Variants in ZNF195 observed in about 807,000 individuals in gnomAD.
ZNF195 encodes the protein zinc finger protein 195.
In ZNF195, 11 loss-of-function variants were observed where a neutral mutation model predicts 19.5. That is an observed-to-expected ratio of 0.57 (90% CI 0.36 to 0.94). ZNF195 has a LOEUF of 0.94. ZNF195 is among the 40% of genes least tolerant of loss of function. The pLI, the probability that ZNF195 is intolerant of heterozygous loss-of-function variation, is 0.01. For synonymous variants in ZNF195, 214 were observed against 248.1 expected (o/e 0.86, Z 1.29); for missense variants, 582 against 709.0 (o/e 0.82, Z 2.03).
At chr11:3,363,708 C>T (rs954046465) in intron 3 of ZNF195, among the ~76,000 whole-genome samples, 2 of 152,114 alleles carry the variant, frequency 1.3e-5, no homozygotes, top group Non-Finnish European at 2.9e-5. Flanking sequence ...GTAAAGCACC[C>T]AACAATTTTC....
intron 3 of ZNF195, among the ~76,000 whole-genome samples, chr11:3,367,464 G>A (rs766612202): frequency 6.6e-6 from 1 of 152,068 alleles, no homozygotes; most frequent in Non-Finnish European, 1.5e-5. Flanking sequence ...CTGGCATGCA[G>A]TGGACAGCAG....
intron 3 of ZNF195, chr11:3,366,930 C>T (rs1404206547): frequency 3.3e-5 from 15 of 453,690 alleles, no homozygotes; most frequent in East Asian, 7.0e-5. Context: ...CTGGGTGTGG[C>T]GGTGTGCCCC....
At chr11:3,374,688 G>A (rs1268135006) in intron 1 of ZNF195, among the ~76,000 whole-genome samples, 1 of 152,228 alleles carries the variant, frequency 6.6e-6, no homozygotes, top group Non-Finnish European at 1.5e-5. Flanking sequence ...GAAGGGACCA[G>A]GCTTTGTGGT....
At chr11:3,371,443 TCCCCATG>T in intron 2 of ZNF195, 127 bp downstream of exon 2, 1 of 1,159,016 alleles carries the variant, frequency 8.6e-7, no homozygotes, top group Non-Finnish European at 1.2e-6. Context: ...CATCAACTAT[TCCCCATG>T]TTTTTCTTAA....
At position 3,359,527 on chromosome 11, in the gene ZNF195, T is replaced by C. The variant is rs759578539; in HGVS notation, c.1481A>G (p.Tyr494Cys). Residue 494 changes from tyrosine (Y) to cysteine (C), a missense_variant, in exon 6 of 6, where the codon TAC becomes TGC. This residue lies in a region of ZNF195 where 407 missense variants were observed against 530.5 expected (regional missense o/e 0.77). Transcript: ENST00000399602. This position sits in a 1 kb window ranked among gnomAD's most constrained non-coding sequence, Gnocchi z 5.5. ...HKRTHSEEKP[Y>C]TCEECGNIFK... ...GATGTTGCCACATTCTTCACACGTG[T>C]AGGGTTTTTCTTCAGAATGAGTTCT... 6.2e-7 allele frequency: 1 copy of C among 1,614,136 alleles called. No individual in the cohort carries two copies. Among genetic ancestry groups the C allele is most frequent in the East Asian group, 2.2e-5 (1 of 44,860 alleles).
chr11:3,365,211 C>CCATTTGCAA (rs1848814977), intron 3 of ZNF195, among the ~76,000 whole-genome samples: 1 of 152,182 alleles, frequency 6.6e-6, no homozygotes, highest in East Asian at 1.9e-4. Flanking sequence ...ATTATCAACT[C>CCATTTGCAA]TAAGACCCCA....
intron 3 of ZNF195, chr11:3,362,127 C>A: frequency 3.0e-6 from 1 of 334,954 alleles, no homozygotes; most frequent in Admixed American, 3.7e-5. Context: ...CACAAAACTT[C>A]CAAGCAAGAA....
At position 3,379,044 on chromosome 11, in the gene ZNF195, C is replaced by A. The variant is rs1250905630; in HGVS notation, c.-4G>T. On this transcript the variant is annotated 5_prime_UTR_variant, in exon 1 of 6. In the 5' UTR this introduces an upstream ATG that the reference lacks. Transcript: ENST00000399602. ...GCCTGGCCCCTACACTCACCATCTCCTGGCCTCCAGAGAGCCTGGCGTTTC... is the reference window on the plus strand; with the variant it reads ...GCCTGGCCCCTACACTCACCATCTCATGGCCTCCAGAGAGCCTGGCGTTTC... The A allele has an allele frequency of 2.0e-6, 3 of 1,495,858 alleles. No homozygotes were observed. Among genetic ancestry groups the A allele is most frequent in the Non-Finnish European group, 2.7e-6 (3 of 1,112,648 alleles). 92.7% of individuals were successfully genotyped at this position (1,495,858 alleles called of 1,614,324 possible).
At position 3,358,146 on chromosome 11, in the gene ZNF195, T is replaced by G. The variant is rs909563981; in HGVS notation, c.*972A>C. On this transcript the variant is annotated 3_prime_UTR_variant, in exon 6 of 6. Transcript: ENST00000399602. ...GAGATGTTTTTTGCCAGCTTTGTTA[T>G]GCGAGGTGAACAGACATGTTAACCG... 1 of 152,234 alleles carries G rather than the reference T, an allele frequency of 6.6e-6. No individual in the cohort carries two copies. The highest frequency in any genetic ancestry group is 1.9e-4 in the East Asian group (1 of 5,164). The allele number at this position is 152,234 out of a possible 1,614,324, so 9.4% of individuals were successfully genotyped here.
Position 3,371,073 on chromosome 11 carries a change from G to C in ZNF195, c.131-3C>G. 1 of 1,611,722 alleles carries C rather than the reference G, an allele frequency of 6.2e-7. No individual in the cohort carries two copies. The highest frequency in any genetic ancestry group is 8.5e-7 in the Non-Finnish European group (1 of 1,178,276). On this transcript the variant is annotated splice_polypyrimidine_tract_variant and splice_region_variant and intron_variant, in intron 2 of 5. Transcript: ENST00000399602. ...GCCTGGCTTACAGACAGTGAGACCT[G>C]TTTTATTAGAAAAAAGTGACATTAC...
intron 4 of ZNF195, 146 bp downstream of exon 4, chr11:3,361,597 C>A: frequency 3.0e-6 from 1 of 333,660 alleles, no homozygotes; most frequent in Non-Finnish European, 4.9e-6. Flanking sequence ...GAAAAAAATA[C>A]AAAAAAATCA....
intron 1 of ZNF195, chr11:3,373,571 A>G: frequency 6.5e-7 from 1 of 1,550,014 alleles, no homozygotes; most frequent in Non-Finnish European, 8.7e-7. Context: ...CCTGAGATGC[A>G]TTTACCTGAG....
intron 1 of ZNF195, among the ~76,000 whole-genome samples, chr11:3,374,270 GA>G (rs1421312497): frequency 6.6e-6 from 1 of 152,158 alleles, no homozygotes; most frequent in Non-Finnish European, 1.5e-5. Flanking sequence ...TCATGGGTTG[GA>G]TTTTTTAACA....
chr11:3,371,738 A>G (rs1400742354), intron 1 of ZNF195, 35 bp from the exon 2 acceptor site: 1 of 1,567,914 alleles, frequency 6.4e-7, no homozygotes, highest in East Asian at 2.3e-5. Flanking sequence ...CAAATACTTG[A>G]TTCGAGGTGA....
chr11:3,374,097 CA>C (rs1203592215), intron 1 of ZNF195, among the ~76,000 whole-genome samples: 1 of 152,204 alleles, frequency 6.6e-6, no homozygotes, highest in Non-Finnish European at 1.5e-5. Flanking sequence ...TCTGTGAGGG[CA>C]AAGGTGAGGG....
chr11:3,367,258 A>G (rs1848942393), intron 3 of ZNF195: 1 of 171,036 alleles, frequency 5.8e-6, no homozygotes, highest in African/African-American at 2.4e-5. Context: ...ATGAACACAC[A>G]GAAAAAATGT....
chr11:3,371,815 C>G, intron 1 of ZNF195, 112 bp from the exon 2 acceptor site: 1 of 1,272,424 alleles, frequency 7.9e-7, no homozygotes. Flanking sequence ...TAAGGTAATT[C>G]TTAGCAGAAG....
In ZNF195 at chr11:3,359,380, A is replaced by G. The variant is rs767673926; in HGVS notation, c.1628T>C (p.Ile543Thr). 3.7e-6 allele frequency: 6 copies of G among 1,613,404 alleles called. No homozygotes were observed. The highest frequency in any genetic ancestry group is 1.3e-5 in the African/African-American group (1 of 74,672). The change falls in exon 6 of 6, where the codon ATT becomes ACT. Residue 543 changes from isoleucine to threonine, a missense_variant. This residue lies in a region of ZNF195 where 407 missense variants were observed against 530.5 expected (regional missense o/e 0.77). Coordinates refer to ENST00000399602, the MANE Select transcript of ZNF195 (RefSeq NM_001130520.3). This position sits in a 1 kb window ranked among gnomAD's most constrained non-coding sequence, Gnocchi z 5.5. ...QSSNLIVHKR[I>T]HTGEKPYKCE... ...CTTGTAGGGTTTCTCTCCAGTATGA[A>G]TTCTCTTATGTACAATAAGGTTGGA...
At position 3,360,431 on chromosome 11, in the gene ZNF195, C is replaced by A; in HGVS notation, c.577G>T (p.Asp193Tyr). The change falls in exon 6 of 6, where the codon GAT becomes TAT. Residue 193 changes from aspartate (D) to tyrosine (Y), a missense_variant. Asp to Tyr is a radical substitution (Grantham distance 160, BLOSUM62 -3). Transcript: ENST00000399602. ...LYLRKDWESL[D>Y]ECKLQKDYNG... ...TAATCTTTTTGCAACTTACACTCAT[C>A]TAAACTTTCCCAGTCTTTCCTTAAA... 6.2e-7 allele frequency: 1 copy of A among 1,612,874 alleles called. No homozygotes were observed. The highest frequency in any genetic ancestry group is 1.1e-5 in the South Asian group (1 of 90,918).
Sources: allele counts gnomAD v4.1 joint callset (sites outside exome capture counted in the v4.1 genomes callset), GRCh38; gene constraint gnomAD v4.1.1; regional missense constraint gnomAD v4.1.1; non-coding constraint Gnocchi (gnomAD v3.1); transcripts MANE v1.5; gene names NCBI Gene and HGNC (gene_info 2026-07-23, HGNC 2026-07-21).